Variants in RBBP8 observed in about 807,000 individuals in gnomAD.
RBBP8 encodes the protein DNA endonuclease RBBP8.
In RBBP8, 88 loss-of-function variants were observed where a neutral mutation model predicts 108.3. The observed-to-expected ratio is 0.81, with a 90% CI of 0.68 to 0.97. RBBP8 has a LOEUF of 0.97. Ranked by LOEUF, RBBP8 falls within the 50% of genes least tolerant of loss-of-function variation. The pLI is 0.00. For missense variants in RBBP8, 1,023 were observed against 1,049.0 expected (o/e 0.98, Z 0.34); for synonymous variants, 332 against 348.2 (o/e 0.95, Z 0.52).
intron 14 of RBBP8, 42 bp downstream of exon 14, chr18:22,997,776 G>A (rs994823111): frequency 2.2e-6 from 3 of 1,362,482 alleles, no homozygotes; most frequent in Non-Finnish European, 3.1e-6. Context: ...TAATAACGTT[G>A]TGTGAAGTTT....
intron 4 of RBBP8, among the ~76,000 whole-genome samples, chr18:22,962,647 C>G (rs1011177524): frequency 6.6e-6 from 1 of 151,908 alleles, no homozygotes; most frequent in African/African-American, 2.4e-5. Flanking sequence ...ACCTCCACCT[C>G]TCGGGTTCAA....
intron 6 of RBBP8, among the ~76,000 whole-genome samples, chr18:22,978,381 A>G (rs1914639568): frequency 6.6e-6 from 1 of 152,192 alleles, no homozygotes; most frequent in African/African-American, 2.4e-5. Flanking sequence ...AAAATCAGTG[A>G]GACTAGTGTT....
chr18:22,950,486 C>T (rs1014384273), intron 4 of RBBP8, among the ~76,000 whole-genome samples: 3 of 151,454 alleles, frequency 2.0e-5, no homozygotes, highest in Admixed American at 6.6e-5. Flanking sequence ...TAGAGGATCG[C>T]TTGAGTCCAA....
intron 4 of RBBP8, among the ~76,000 whole-genome samples, chr18:22,954,693 G>GA (rs1912355048): frequency 6.6e-6 from 1 of 152,146 alleles, no homozygotes; most frequent in South Asian, 2.1e-4. Flanking sequence ...GTCCCAGTGG[G>GA]GACTGTGTGG....
At chr18:22,942,155 G>T (rs981548235) in intron 2 of RBBP8, among the ~76,000 whole-genome samples, 5 of 151,956 alleles carry the variant, frequency 3.3e-5, no homozygotes, top group African/African-American at 1.2e-4. Context: ...GACTTTGCAG[G>T]TTTTAAGGTA....
chr18:22,936,707 A>G lies in RBBP8; in HGVS notation c.-98-47A>G, dbSNP rs527936377. The G allele has an allele frequency of 5.9e-5, 51 of 871,570 alleles. No homozygotes were observed. In the African/African-American group the frequency reaches 8.2e-4, roughly 14 times the overall value. The allele number at this position is 871,570 out of a possible 1,614,324, so 54.0% of individuals were successfully genotyped here. A position where few individuals can be genotyped will look rare whatever the true frequency, so the allele number is the denominator to read the frequency against. Reference sequence around the variant, plus strand: ...GTGTTTCATCCTGATTTCAAAGTACATAAAGATAAATGCAAAGTTCATTTA... The same window carrying G: ...GTGTTTCATCCTGATTTCAAAGTACGTAAAGATAAATGCAAAGTTCATTTA... On this transcript the variant is annotated intron_variant, in intron 1 of 18. Transcript: ENST00000327155.
chr18:22,932,498 G>C (rs1283863713), upstream of RBBP8, among the ~76,000 whole-genome samples: 1 of 152,142 alleles, frequency 6.6e-6, no homozygotes, highest in African/African-American at 2.4e-5. Flanking sequence ...TAAGATGTGG[G>C]ACAGGTGGAA....
intron 4 of RBBP8, among the ~76,000 whole-genome samples, chr18:22,967,495 T>C (rs1398162268): frequency 6.6e-6 from 1 of 152,094 alleles, no homozygotes; most frequent in Non-Finnish European, 1.5e-5. Context: ...TTCAAAAATA[T>C]GGAAAATGAA....
intron 4 of RBBP8, among the ~76,000 whole-genome samples, chr18:22,953,959 C>T (rs1362206902): frequency 6.6e-6 from 1 of 151,950 alleles, no homozygotes; most frequent in Non-Finnish European, 1.5e-5. Flanking sequence ...GGATAAGCCC[C>T]TTATAAAACC....
intron 7 of RBBP8, among the ~76,000 whole-genome samples, chr18:22,983,587 C>T (rs62095206): frequency 0.05 from 4,088 of 82,004 alleles, 161 homozygotes; most frequent in Non-Finnish European, 0.084. Flanking sequence ...ATAAGAATAT[C>T]TAGAAAACAA....
intron 1 of RBBP8, chr18:22,915,344 A>C (rs891972797): frequency 9.2e-5 from 14 of 152,146 alleles, no homozygotes; most frequent in African/African-American, 3.1e-4. Flanking sequence ...CTATAATATT[A>C]GTTTCCTTAG....
intron 4 of RBBP8, among the ~76,000 whole-genome samples, chr18:22,950,498 G>C (rs902874840): frequency 2.6e-5 from 4 of 151,024 alleles, no homozygotes; most frequent in African/African-American, 4.9e-5. Flanking sequence ...TGAGTCCAAA[G>C]TGATTGAGGC....
intron 14 of RBBP8, 39 bp downstream of exon 14, chr18:22,997,773 G>C (rs376417831): frequency 1.5e-6 from 2 of 1,357,186 alleles, no homozygotes; most frequent in South Asian, 1.2e-5. Context: ...TTTTAATAAC[G>C]TTGTGTGAAG....
intron 4 of RBBP8, among the ~76,000 whole-genome samples, chr18:22,964,206 G>A (rs1170482271): frequency 6.6e-6 from 1 of 151,908 alleles, no homozygotes; most frequent in African/African-American, 2.4e-5. Context: ...GGCCTCAAGC[G>A]ATCCTCCCAT....
Position 22,991,066 on chromosome 18 carries a change from T to C in RBBP8, c.920+17T>C, listed in dbSNP as rs1915662608. The C allele has an allele frequency of 3.9e-6, 6 of 1,531,782 alleles. No homozygotes were observed. The highest frequency in any genetic ancestry group is 5.4e-6 in the Non-Finnish European group (6 of 1,108,046). 94.9% of individuals were successfully genotyped at this position (1,531,782 alleles called of 1,614,324 possible). A position where few individuals can be genotyped will look rare whatever the true frequency, so the allele number is the denominator to read the frequency against. On this transcript the variant is annotated intron_variant, in intron 10 of 18. Transcript: ENST00000327155. ...TAGTTTAAGGTAATTAAGGGCACGT[T>C]GGTGAAAACTGATAAGCTATTGGTG...
intron 6 of RBBP8, among the ~76,000 whole-genome samples, chr18:22,977,478 G>A (rs567580175): frequency 6.6e-6 from 1 of 152,158 alleles, no homozygotes; most frequent in Non-Finnish European, 1.5e-5. Flanking sequence ...TTAAAAATGT[G>A]TATAAAGCTA....
intron 4 of RBBP8, among the ~76,000 whole-genome samples, chr18:22,961,605 A>G (rs1913104063): frequency 6.6e-6 from 1 of 152,242 alleles, no homozygotes; most frequent in Non-Finnish European, 1.5e-5. Flanking sequence ...GGCCCAGGAC[A>G]GCTTTGAATG....
chr18:23,000,099 G>A (rs941859831), intron 14 of RBBP8, among the ~76,000 whole-genome samples: 4 of 152,138 alleles, frequency 2.6e-5, no homozygotes, highest in Non-Finnish European at 5.9e-5. Flanking sequence ...CTTATGGAAC[G>A]TACATTCTAA....
chr18:22,942,565 A>T (rs1911189278), intron 2 of RBBP8, among the ~76,000 whole-genome samples: 1 of 152,082 alleles, frequency 6.6e-6, no homozygotes, highest in South Asian at 2.1e-4. Flanking sequence ...AGATAATTTT[A>T]TCCTTTCATG....
Sources: allele counts gnomAD v4.1 joint callset (sites outside exome capture counted in the v4.1 genomes callset), GRCh38; gene constraint gnomAD v4.1.1; transcripts MANE v1.5; gene names NCBI Gene and HGNC (gene_info 2026-07-23, HGNC 2026-07-21).